Variants in EYS observed in about 807,000 individuals in gnomAD.
The protein encoded by EYS is protein eyes shut homolog.
In EYS, 250 loss-of-function variants were observed where a neutral mutation model predicts 282.1. The ratio of observed to expected loss-of-function variants is 0.89; its 90% CI spans 0.80 to 0.98. EYS has a LOEUF of 0.98. EYS is among the 50% of genes least tolerant of loss of function. EYS has a pLI of 0.00. For synonymous variants in EYS, 1,355 were observed against 1,282.9 expected (o/e 1.06, Z -1.20); for missense variants, 4,016 against 3,709.0 (o/e 1.08, Z -2.15).
chr6:63,954,584 GC>G (rs891369714), intron 35 of EYS, among the ~76,000 whole-genome samples: 1 of 152,152 alleles, frequency 6.6e-6, no homozygotes, highest in Admixed American at 6.6e-5. Flanking sequence ...CACTGCAAGG[GC>G]CATCAAAAGG....
intron 29 of EYS, among the ~76,000 whole-genome samples, chr6:64,353,533 A>G (rs772714602): frequency 1.3e-5 from 2 of 151,544 alleles, no homozygotes; most frequent in African/African-American, 2.4e-5. Context: ...AAAAGCAAAC[A>G]AATTTTTCCC....
intron 35 of EYS, among the ~76,000 whole-genome samples, chr6:63,971,765 C>G (rs1038349793): frequency 1.3e-5 from 2 of 152,188 alleles, no homozygotes; most frequent in African/African-American, 4.8e-5. Flanking sequence ...TGTCCTACCT[C>G]AAGACTGAAC....
chr6:65,317,821 CCTTCCTTTCTTTCTTTCTTTCTTT>C (rs1472125777), intron 11 of EYS, among the ~76,000 whole-genome samples: 25 of 51,534 alleles, frequency 4.9e-4, no homozygotes, highest in Admixed American at 8.5e-4. Context: ...TTCCTTCCTT[CCTTCCTTTCTTTCTTTCTTTCTTT>C]CTTTCTTTCT....
At chr6:65,510,788 T>G (rs1411387990) in intron 2 of EYS, among the ~76,000 whole-genome samples, 1 of 152,196 alleles carries the variant, frequency 6.6e-6, no homozygotes, top group Non-Finnish European at 1.5e-5. Flanking sequence ...GTATGTGTGT[T>G]GTTGTTAATT....
intron 15 of EYS, among the ~76,000 whole-genome samples, chr6:64,945,515 C>CA (rs1387088668): frequency 6.6e-6 from 1 of 152,010 alleles, no homozygotes; most frequent in Non-Finnish European, 1.5e-5. Flanking sequence ...GTTAAGATGG[C>CA]AAAAACATGT....
At chr6:64,642,973 G>A (rs903394114) in intron 22 of EYS, among the ~76,000 whole-genome samples, 4 of 152,132 alleles carry the variant, frequency 2.6e-5, no homozygotes, top group African/African-American at 9.7e-5. Flanking sequence ...AAATTAGCTG[G>A]GCGTGGTGGC....
chr6:64,681,886 T>TCTTG (rs1229436035), intron 22 of EYS, among the ~76,000 whole-genome samples: 3 of 152,162 alleles, frequency 2.0e-5, no homozygotes, highest in African/African-American at 7.2e-5. Flanking sequence ...ACACCACATG[T>TCTTG]CTTACATCCT....
intron 15 of EYS, among the ~76,000 whole-genome samples, chr6:64,932,162 C>A (rs1298558032): frequency 6.6e-6 from 1 of 152,052 alleles, no homozygotes; most frequent in Non-Finnish European, 1.5e-5. Flanking sequence ...CTCTCCCCAG[C>A]TCTTCAATGG....
At position 64,116,204 on chromosome 6, in the gene EYS, A is replaced by C. The variant is rs78136561; in HGVS notation, c.6425-34202T>G. Among the ~76,000 whole-genome samples, 6 of 152,234 alleles carry C rather than the reference A, an allele frequency of 3.9e-5. No homozygotes were observed. In the East Asian group the frequency reaches 1.2e-3, roughly 30 times the overall value. ...TGTGGACCTGAAGACAGGTCATTTG[A>C]AGACGTCCAAAAGTCTCTCAAGTCA... On this transcript the variant is annotated intron_variant, in intron 31 of 42. Transcript: ENST00000503581.
rs752869851 is a variant in EYS, at chr6:65,369,221, C to CAT, written c.1299+15163_1299+15164dup. 1.5e-3 allele frequency among the ~76,000 whole-genome samples: 210 copies of CAT among 143,606 alleles called. 1 individual carries two copies. The highest frequency in any genetic ancestry group is 3.6e-3 in the Middle Eastern group (1 of 276). 94.2% of individuals were successfully genotyped at this position (143,606 alleles called of 152,430 possible). A position where few individuals can be genotyped will look rare whatever the true frequency, so the allele number is the denominator to read the frequency against. ...AAGCAAAGTTTGTGACCAAGCAGTA[C>CAT]ATATATATATATATACACATTTGTG... On this transcript the variant is annotated intron_variant, in intron 8 of 42. Transcript: ENST00000503581.
intron 12 of EYS, among the ~76,000 whole-genome samples, chr6:65,266,040 TGTAA>T (rs59941588): frequency 0.026 from 3,977 of 152,042 alleles, 164 homozygotes; most frequent in African/African-American, 0.091. Flanking sequence ...ATGTTTGCCT[TGTAA>T]GTAAGAAATA....
At chr6:64,431,793 C>A (rs1177060934) in intron 28 of EYS, among the ~76,000 whole-genome samples, 1 of 152,206 alleles carries the variant, frequency 6.6e-6, no homozygotes, top group African/African-American at 2.4e-5. Flanking sequence ...TTCCTCTCTT[C>A]TTTTGATACC....
intron 31 of EYS, among the ~76,000 whole-genome samples, chr6:64,185,284 T>A (rs1480230011): frequency 6.6e-6 from 1 of 152,188 alleles, no homozygotes; most frequent in African/African-American, 2.4e-5. Flanking sequence ...TGAAAGTAAT[T>A]TCACTTCTAA....
chr6:64,591,476 C>CT lies in EYS; in HGVS notation c.4390_4391insA (p.Gly1464GlufsTer7), dbSNP rs1766408020. The CT allele has an allele frequency of 4.5e-6, 7 of 1,551,288 alleles. No individual in the cohort carries two copies. The highest frequency in any genetic ancestry group is 6.1e-6 in the Non-Finnish European group (7 of 1,146,770). On this transcript the variant is annotated frameshift_variant, in exon 26 of 43. Coordinates refer to ENST00000503581, the MANE Select transcript of EYS (RefSeq NM_001142800.2). LOFTEE classifies it high-confidence loss of function. ...ATATTCTTCAATATCCTCTTGAGCC[C>CT]CCCTAGAGACAACTGGAGTTGCACT...
chr6:64,835,910 T>C (rs1019155737), intron 19 of EYS, among the ~76,000 whole-genome samples: 1 of 151,610 alleles, frequency 6.6e-6, no homozygotes, highest in Non-Finnish European at 1.5e-5. Flanking sequence ...ATTAAGATGA[T>C]GATATTAGCA....
rs187147648 is a variant in EYS, at chr6:63,967,305, T to A, written c.7055+17078A>T. Among the ~76,000 whole-genome samples the A allele has an allele frequency of 4.5e-3, 687 of 152,354 alleles. 4 individuals carry two copies. The highest frequency in any genetic ancestry group is 7.5e-3 in the Non-Finnish European group (511 of 68,028). On this transcript the variant is annotated intron_variant, in intron 35 of 42. Transcript: ENST00000503581. ...TTAATTGTTTATTTTTGGAATTTTT[T>A]AATTTAATATGTTTGGACTGCAGTT...
Position 63,741,330 on chromosome 6 carries a change from T to G in EYS, c.8072-14650A>C, listed in dbSNP as rs191887136. On this transcript the variant is annotated intron_variant, in intron 41 of 42. Transcript: ENST00000503581. ...CAATACCATCTAGTAAAAAAGAAAATAGAATAGGCTGATTAGTGAAGTGGA... is the reference window on the plus strand; with the variant it reads ...CAATACCATCTAGTAAAAAAGAAAAGAGAATAGGCTGATTAGTGAAGTGGA... Among the ~76,000 whole-genome samples, 544 of 152,106 alleles carry G rather than the reference T, an allele frequency of 3.6e-3. 1 individual carries two copies. The highest frequency in any genetic ancestry group is 5.9e-3 in the Non-Finnish European group (399 of 67,986).
intron 26 of EYS, among the ~76,000 whole-genome samples, chr6:64,533,118 G>T (rs534524275): frequency 1.3e-5 from 2 of 152,290 alleles, no homozygotes; most frequent in Admixed American, 1.3e-4. Context: ...AAGCCATGGA[G>T]AAGATAAGTG....
intron 28 of EYS, among the ~76,000 whole-genome samples, chr6:64,392,715 T>A (rs9353756): frequency 1.4e-5 from 2 of 140,878 alleles, no homozygotes; most frequent in South Asian, 2.3e-4. Context: ...ACAATTAAAA[T>A]AACTAGAAAA....
Sources: gnomAD v4.1 joint callset for allele counts (sites outside exome capture counted in the v4.1 genomes callset) on GRCh38, gnomAD v4.1.1 for gene constraint, MANE v1.5 for transcripts, NCBI Gene and HGNC (gene_info 2026-07-23, HGNC 2026-07-21) for gene names.